ANKHD1: variants seen among roughly 807,000 people sequenced by gnomAD.
ANKHD1 encodes the protein ankyrin repeat and KH domain containing 1.
A neutral mutation model predicts 230.5 loss-of-function variants in ANKHD1; 31 were observed. That is an observed-to-expected ratio of 0.13 (90% CI 0.10 to 0.18). The LOEUF (loss-of-function observed/expected upper bound fraction) is 0.18. Ranked by LOEUF, ANKHD1 falls within the 10% of genes least tolerant of loss-of-function variation. The pLI, the probability that ANKHD1 is intolerant of heterozygous loss-of-function variation, is 1.00. For missense variants in ANKHD1, 2,256 were observed against 3,071.3 expected (o/e 0.73, Z 6.27); for synonymous variants, 1,074 against 1,117.6 (o/e 0.96, Z 0.78).
At chr5:140,419,759 T>C (rs1297481304) in intron 1 of ANKHD1, among the ~76,000 whole-genome samples, 1 of 150,954 alleles carries the variant, frequency 6.6e-6, no homozygotes, top group Non-Finnish European at 1.5e-5. Context: ...TTCTTTTCTC[T>C]TCTCTTTCCT....
At position 140,491,139 on chromosome 5, in the gene ANKHD1, C is replaced by CACATAT. The variant is rs1460352213; in HGVS notation, c.2245+4080_2245+4081insCATATA. ...ACACACATATATATATATATATACA[C>CACATAT]ATATATATATATATATATATATTTT... On this transcript the variant is annotated intron_variant, in intron 14 of 33. Transcript: ENST00000360839. Among the ~76,000 whole-genome samples the CACATAT allele has an allele frequency of 3.6e-3, 204 of 56,334 alleles. 2 individuals are homozygous for CACATAT. The highest frequency in any genetic ancestry group is 0.011 in the East Asian group (17 of 1,540). 37.0% of individuals were successfully genotyped at this position (56,334 alleles called of 152,430 possible).
In ANKHD1 at chr5:140,507,418, A is replaced by G. The variant is rs989739233; in HGVS notation, c.3552-367A>G. On this transcript the variant is annotated intron_variant, in intron 19 of 33. Coordinates refer to ENST00000360839, the MANE Select transcript of ANKHD1 (RefSeq NM_017747.3). This position sits in a 1 kb window ranked among gnomAD's most constrained non-coding sequence, Gnocchi z 4.1. ...TGCCTCCGGGGTTCAAGCGATTCTTATGCCTCAGCCTCCCAGGTAGCTGGG... is the reference window on the plus strand; with the variant it reads ...TGCCTCCGGGGTTCAAGCGATTCTTGTGCCTCAGCCTCCCAGGTAGCTGGG... Among the ~76,000 whole-genome samples the G allele has an allele frequency of 6.6e-6, 1 of 152,158 alleles. No homozygotes were observed. Among genetic ancestry groups the G allele is most frequent in the Non-Finnish European group, 1.5e-5 (1 of 68,010 alleles).
At chr5:140,437,540 T>TA (rs906993592) in intron 2 of ANKHD1, among the ~76,000 whole-genome samples, 9 of 151,812 alleles carry the variant, frequency 5.9e-5, no homozygotes, top group Non-Finnish European at 8.8e-5. Context: ...TCGTCTTTAC[T>TA]AAAAAAAATA....
At chr5:140,427,463 G>A (rs1454837613) in intron 1 of ANKHD1, among the ~76,000 whole-genome samples, 1 of 131,154 alleles carries the variant, frequency 7.6e-6, no homozygotes, top group African/African-American at 2.9e-5. Context: ...GGCTGGCCGG[G>A]CAGAGGGGCT....
In ANKHD1 at chr5:140,538,053, A is replaced by G. The variant is rs1242439966; in HGVS notation, c.7229-33A>G. ...ATGTTTTGTTGTTTTATCCAAATAA[A>G]TTTAAAACTTTGTTTTCAATTATTC... On this transcript the variant is annotated intron_variant, in intron 31 of 33. Coordinates refer to ENST00000360839, the MANE Select transcript of ANKHD1 (RefSeq NM_017747.3). The G allele has an allele frequency of 1.9e-6, 3 of 1,578,206 alleles. No homozygotes were observed. The African/African-American group carries it at 4.1e-5, about 21-fold the overall frequency.
At position 140,440,998 on chromosome 5, in the gene ANKHD1, T is replaced by C; in HGVS notation, c.769T>C (p.Leu257=). 6.3e-7 allele frequency: 1 copy of C among 1,599,670 alleles called. No individual in the cohort carries two copies. The highest frequency in any genetic ancestry group is 8.5e-7 in the Non-Finnish European group (1 of 1,175,262). ...SAGYYELAQV[L]LAMHANVEDR... is the part of the protein sequence containing the mutation. ...TGTCTGTATATGTGTTTTAAAGGTA[T>C]TGCTTGCTATGCATGCTAATGTTGA... The change falls in exon 5 of 34, where the codon TTG becomes CTG. Residue 257 remains leucine (L), a synonymous_variant. Transcript: ENST00000360839.
intron 10 of ANKHD1, among the ~76,000 whole-genome samples, chr5:140,474,598 C>CTTTT (rs771180811): frequency 5.0e-5 from 6 of 120,854 alleles, no homozygotes; most frequent in African/African-American, 1.2e-4. Flanking sequence ...TTTTTTTCTT[C>CTTTT]TTTTTTTTTT....
At chr5:140,436,047 T>C in intron 1 of ANKHD1, 57 bp from the exon 2 acceptor site, 2 of 1,380,478 alleles carry the variant, frequency 1.4e-6, no homozygotes, top group Non-Finnish European at 1.9e-6. Flanking sequence ...AAATTGTAGT[T>C]ATTCTAATCA....
intron 5 of ANKHD1, among the ~76,000 whole-genome samples, chr5:140,443,752 G>A (rs1774055185): frequency 6.6e-6 from 1 of 151,550 alleles, no homozygotes; most frequent in African/African-American, 2.4e-5. Flanking sequence ...ATTTCCCCTT[G>A]AGGATTCTTG....
At chr5:140,411,739 G>T (rs1012937848) in intron 1 of ANKHD1, among the ~76,000 whole-genome samples, 1 of 151,812 alleles carries the variant, frequency 6.6e-6, no homozygotes, top group Non-Finnish European at 1.5e-5. Flanking sequence ...GGCCAGGCTG[G>T]TCTCGAACTC....
chr5:140,519,137 C>CAAT (rs1486680378), intron 24 of ANKHD1, among the ~76,000 whole-genome samples: 3 of 151,268 alleles, frequency 2.0e-5, no homozygotes, highest in Non-Finnish European at 3.0e-5. Context: ...TCTTATACAC[C>CAAT]AACAACAGAG....
chr5:140,495,457 G>C (rs1397157901), intron 14 of ANKHD1, among the ~76,000 whole-genome samples: 1 of 152,020 alleles, frequency 6.6e-6, no homozygotes, highest in Non-Finnish European at 1.5e-5. Context: ...GTGTTAGCCA[G>C]GATGGTCTCG....
chr5:140,505,337 G>T, intron 17 of ANKHD1, 104 bp downstream of exon 17: 3 of 1,277,084 alleles, frequency 2.3e-6, no homozygotes, highest in Non-Finnish European at 3.3e-6. Context: ...TGATAAGATG[G>T]ATAAGTATAT....
intron 14 of ANKHD1, among the ~76,000 whole-genome samples, chr5:140,494,119 T>G (rs1384509912): frequency 6.6e-6 from 1 of 152,224 alleles, no homozygotes; most frequent in East Asian, 1.9e-4. Context: ...GTCATTGAAT[T>G]TATTACATGA....
intron 24 of ANKHD1, among the ~76,000 whole-genome samples, chr5:140,521,298 C>A (rs896077701): frequency 2.6e-5 from 4 of 151,864 alleles, no homozygotes; most frequent in Non-Finnish European, 5.9e-5. Flanking sequence ...ATAACTTATC[C>A]ATAATAAAAA....
intron 3 of ANKHD1, among the ~76,000 whole-genome samples, 200 bp downstream of exon 3, chr5:140,438,817 T>C (rs899437337): frequency 6.6e-6 from 1 of 152,250 alleles, no homozygotes; most frequent in Non-Finnish European, 1.5e-5. Flanking sequence ...TCAGCTCTTA[T>C]TCGTTGAGCA....
chr5:140,504,327 C>T (rs997041921), intron 15 of ANKHD1, among the ~76,000 whole-genome samples: 2 of 152,238 alleles, frequency 1.3e-5, no homozygotes, highest in Non-Finnish European at 2.9e-5. Flanking sequence ...GCTGGGATTA[C>T]AGGCGTGGGC....
At chr5:140,518,626 G>A (rs1753162011) in intron 24 of ANKHD1, among the ~76,000 whole-genome samples, 1 of 152,122 alleles carries the variant, frequency 6.6e-6, no homozygotes, top group Admixed American at 6.6e-5. Flanking sequence ...ATGCAAGGCT[G>A]GTTCAGTATA....
chr5:140,528,776 A>G lies in ANKHD1; in HGVS notation c.5830A>G (p.Ser1944Gly), dbSNP rs1249709354. Residue 1944 changes from serine to glycine, a missense_variant, in exon 29 of 34, where the codon AGT (serine) becomes GGT (glycine). Ser to Gly is a moderately conservative substitution (Grantham distance 56, BLOSUM62 0). Transcript: ENST00000360839. ...PITVSSVVAASQQLCVTNTRT... is the reference protein window; with the variant it reads ...PITVSSVVAAGQQLCVTNTRT... ...CACTGTCTCTTCTGTAGTTGCTGCC[A>G]GTCAGCAACTGTGTGTCACTAATAC... 6.2e-6 allele frequency: 10 copies of G among 1,614,050 alleles called. No individual in the cohort carries two copies. The highest frequency in any genetic ancestry group is 7.6e-6 in the Non-Finnish European group (9 of 1,180,054).
Sources: allele counts gnomAD v4.1 joint callset (sites outside exome capture counted in the v4.1 genomes callset), GRCh38; gene constraint gnomAD v4.1.1; non-coding constraint Gnocchi (gnomAD v3.1); transcripts MANE v1.5; gene names NCBI Gene and HGNC (gene_info 2026-07-23, HGNC 2026-07-21).